Variants in SLC27A3 observed in about 807,000 individuals in gnomAD.
The protein encoded by SLC27A3 is solute carrier family 27 member 3.
A neutral mutation model predicts 60.1 loss-of-function variants in SLC27A3; 60 were observed. The observed-to-expected ratio is 1.00, with a 90% CI of 0.81 to 1.24. The LOEUF (loss-of-function observed/expected upper bound fraction) is 1.24, where lower values mean the gene tolerates loss of function less well. Ranked by LOEUF, SLC27A3 falls within the 50% of genes most tolerant of loss-of-function variation. SLC27A3 has a pLI of 0.00. For missense variants in SLC27A3, 1,079 were observed against 929.9 expected (o/e 1.16, Z -2.09); for synonymous variants, 455 against 409.0 (o/e 1.11, Z -1.36).
In SLC27A3 at chr1:153,775,854, C is replaced by T; in HGVS notation, c.357C>T (p.Gly119=). The T allele has an allele frequency of 1.3e-6, 2 of 1,489,906 alleles. No individual in the cohort carries two copies. Among genetic ancestry groups the T allele is most frequent in the Non-Finnish European group, 1.8e-6 (2 of 1,124,706 alleles). The allele number at this position is 1,489,906 out of a possible 1,614,324, so 92.3% of individuals were successfully genotyped here. A position where few individuals can be genotyped will look rare whatever the true frequency, so the allele number is the denominator to read the frequency against. ...RALGWDWGPD[G]GDSGEGSAGE... ...TAGGCTGGGACTGGGGACCCGACGG[C>T]GGCGACAGCGGCGAGGGGAGCGCTG... Residue 119 remains glycine (G), a synonymous_variant, in exon 1 of 10, where the codon GGC becomes GGT. Transcript: ENST00000624995.
Position 153,779,808 on chromosome 1 carries a change from T to A in SLC27A3, c.1876-18T>A. On this transcript the variant is annotated intron_variant, in intron 9 of 9. Transcript: ENST00000624995. The stretch of plus-strand genomic sequence containing the variant: ...CAGAGTCCCCTTCCCTCCAAATCCC[T>A]GACCCTCCTGTCCCCAGGAGTCTTT... 6.2e-7 allele frequency: 1 copy of A among 1,609,388 alleles called. No homozygotes were observed. Among genetic ancestry groups the A allele is most frequent in the Non-Finnish European group, 8.5e-7 (1 of 1,177,136 alleles).
At chr1:153,777,447 C>T (rs1673288065) in intron 3 of SLC27A3, 5 of 628,902 alleles carry the variant, frequency 8.0e-6, no homozygotes, top group Non-Finnish European at 1.4e-5. Context: ...GGGTCAAAGG[C>T]AGGGAAGGAC....
At position 153,776,541 on chromosome 1, in the gene SLC27A3, G is replaced by C; in HGVS notation, c.691G>C (p.Asp231His). ...APEFLESLEP[D>H]LPALRAMGLH... ...AGAGTTTCTGGAGTCCCTGGAGCCG[G>C]ACCTGCCCGCCCTGAGAGCCATGGG... Residue 231 changes from aspartate (D) to histidine (H), a missense_variant, in exon 2 of 10, where the codon GAC becomes CAC. Asp to His is a moderately conservative substitution (Grantham distance 81). Coordinates refer to ENST00000624995, the MANE Select transcript of SLC27A3 (RefSeq NM_024330.4). The C allele has an allele frequency of 6.2e-7, 1 of 1,614,080 alleles. No individual in the cohort carries two copies. Among genetic ancestry groups the C allele is most frequent in the Non-Finnish European group, 8.5e-7 (1 of 1,180,036 alleles).
At position 153,775,628 on chromosome 1, in the gene SLC27A3, G is replaced by C. The variant is rs1424226184; in HGVS notation, c.131G>C (p.Arg44Thr). The C allele has an allele frequency of 3.2e-6, 5 of 1,560,510 alleles. No homozygotes were observed. The highest frequency in any genetic ancestry group is 4.6e-5 in the East Asian group (2 of 43,054). Residue 44 changes from arginine to threonine, a missense_variant, in exon 1 of 10, where the codon AGG becomes ACG. Transcript: ENST00000624995. The part of the protein sequence containing the change: ...AFAVRALCCK[R>T]ALRARALAAA... Reference sequence around the variant, plus strand: ...GCGGTGCGAGCTCTGTGCTGCAAAAGGGCTCTTCGAGCTCGCGCCCTGGCC... The same window carrying C: ...GCGGTGCGAGCTCTGTGCTGCAAAACGGCTCTTCGAGCTCGCGCCCTGGCC...
chr1:153,779,197 G>C lies in SLC27A3; in HGVS notation c.1730G>C (p.Gly577Ala), dbSNP rs1440270337. 1 of 1,614,146 alleles carries C rather than the reference G, an allele frequency of 6.2e-7. No homozygotes were observed. Among genetic ancestry groups the C allele is most frequent in the South Asian group, 1.1e-5 (1 of 91,088 alleles). ...TTTCTTCAGGAGGTGAACGTCTATG[G>C]AGTCACTGTGCCAGGTGCCTAGGCA... is the stretch of plus-strand genomic sequence containing the variant. ...LDFLQEVNVY[G>A]VTVPGHEGRA... The change falls in exon 8 of 10, where the codon GGA (glycine) becomes GCA (alanine). Residue 577 changes from glycine (G) to alanine (A), a missense_variant. Physicochemically the swap from Gly to Ala is moderately conservative, Grantham distance 60. Coordinates refer to ENST00000624995, the MANE Select transcript of SLC27A3 (RefSeq NM_024330.4).
In SLC27A3 at chr1:153,780,014, C is replaced by A; in HGVS notation, c.*12C>A. On this transcript the variant is annotated 3_prime_UTR_variant, in exon 10 of 10. Transcript: ENST00000624995. ...ACCTTCGAATCTGAGAACTTCCACA[C>A]CTGAGGCACCTGAGAGAGGAACTCT... 2.5e-6 allele frequency: 4 copies of A among 1,601,434 alleles called. No homozygotes were observed. Among genetic ancestry groups the A allele is most frequent in the Non-Finnish European group, 2.6e-6 (3 of 1,173,300 alleles).
In SLC27A3 at chr1:153,779,230, TG is replaced by T. The variant is rs749509003; in HGVS notation, c.1744+24del. On this transcript the variant is annotated intron_variant, in intron 8 of 9. Coordinates refer to ENST00000624995, the MANE Select transcript of SLC27A3 (RefSeq NM_024330.4). ...GTGCCAGGTGCCTAGGCATGGAAGG[TG>T]GGGGAGGCACCCAGCCACCACCCCG... 6 of 1,613,582 alleles carry T rather than the reference TG, an allele frequency of 3.7e-6. No homozygotes were observed. The highest frequency in any genetic ancestry group is 1.1e-5 in the South Asian group (1 of 91,058).
chr1:153,777,584 A>G, intron 3 of SLC27A3, 177 bp from the exon 4 acceptor site: 2 of 773,472 alleles, frequency 2.6e-6, no homozygotes. Context: ...AAGGCTGGGG[A>G]CAGGGGCCGG....
rs776627744 is a variant in SLC27A3 at position 153,777,875 on chromosome 1, AC to A, written c.1153del (p.Gln385SerfsTer43). ...GGGGAGCTGTGCCGATACCTTGTCA[AC>A]CAGCCCCCGGTGCGTGGGCACAGAT... Reference protein sequence around the residue: ...YIGELCRYLVNQPPSKAERGH... With the variant: ...YIGELCRYLVXQPPSKAERGH... On this transcript the variant is annotated frameshift_variant, in exon 4 of 10. Transcript: ENST00000624995. LOFTEE classifies it high-confidence loss of function. 2 of 1,614,192 alleles carry A rather than the reference AC, an allele frequency of 1.2e-6. No individual in the cohort carries two copies. Among genetic ancestry groups the A allele is most frequent in the South Asian group, 2.2e-5 (2 of 91,082 alleles).
intron 7 of SLC27A3, 100 bp from the exon 8 acceptor site, chr1:153,779,014 C>A: frequency 1.4e-6 from 2 of 1,460,298 alleles, no homozygotes; most frequent in Non-Finnish European, 1.9e-6. Context: ...CAGATCTCAC[C>A]ATTTCATCCC....
chr1:153,777,382 C>T, intron 3 of SLC27A3, 162 bp downstream of exon 3: 1 of 856,362 alleles, frequency 1.2e-6, no homozygotes, highest in Non-Finnish European at 1.8e-6. Flanking sequence ...CTGCCTAGAC[C>T]TACAGACTGA....
Position 153,776,791 on chromosome 1 carries a change from C to T in SLC27A3, c.877+64C>T, listed in dbSNP as rs1673253666. ...GGCAGAGGAAGGCAGGGGTCTGCTC[C>T]CAGACCACTCCTTCAAAGCCCCCAG... is the stretch of plus-strand genomic sequence containing the variant. On this transcript the variant is annotated intron_variant, in intron 2 of 9. Transcript: ENST00000624995. 6 of 1,468,066 alleles carry T rather than the reference C, an allele frequency of 4.1e-6. No homozygotes were observed. In the Admixed American group the frequency reaches 7.1e-5, roughly 17 times the overall value. The allele number at this position is 1,468,066 out of a possible 1,614,324, so 90.9% of individuals were successfully genotyped here. A position where few individuals can be genotyped will look rare whatever the true frequency, so the allele number is the denominator to read the frequency against.
Position 153,778,693 on chromosome 1 carries a change from C to G in SLC27A3, c.1454C>G (p.Pro485Arg). 6.2e-7 allele frequency: 1 copy of G among 1,612,854 alleles called. No homozygotes were observed. Among genetic ancestry groups the G allele is most frequent in the Non-Finnish European group, 8.5e-7 (1 of 1,179,938 alleles). Residue 485 changes from proline to arginine, a missense_variant, in exon 7 of 10, where the codon CCA becomes CGA. By Grantham distance (103) the Pro-to-Arg change is moderately radical. Coordinates refer to ENST00000624995, the MANE Select transcript of SLC27A3 (RefSeq NM_024330.4). ...ACCCTGGTGACTCTGCCAGGTGAGC[C>G]AGGGCTGCTGGTGGCCCCGGTAAGC... ...GHCMATSPGEPGLLVAPVSQQ... is the reference protein window; with the variant it reads ...GHCMATSPGERGLLVAPVSQQ...
chr1:153,779,052 C>T, intron 7 of SLC27A3, 62 bp from the exon 8 acceptor site: 6 of 1,552,290 alleles, frequency 3.9e-6, no homozygotes, highest in Non-Finnish European at 5.3e-6. Flanking sequence ...ACCTCATCTC[C>T]CCACCAAGCC....
chr1:153,776,809 G>GC (rs1673256144), intron 2 of SLC27A3, 82 bp downstream of exon 2: 1 of 1,358,812 alleles, frequency 7.4e-7, no homozygotes, highest in African/African-American at 1.4e-5. Context: ...CTCCTTCAAA[G>GC]CCCCCAGAGA....
chr1:153,776,413 A>G lies in SLC27A3; in HGVS notation c.668-105A>G, dbSNP rs911526998. The G allele has an allele frequency of 3.8e-6, 5 of 1,299,178 alleles. No individual in the cohort carries two copies. The African/African-American group carries it at 5.9e-5, about 15-fold the overall frequency. The allele number at this position is 1,299,178 out of a possible 1,614,324, so 80.5% of individuals were successfully genotyped here. A position where few individuals can be genotyped will look rare whatever the true frequency, so the allele number is the denominator to read the frequency against. ...CCAAGATGGAATGTCCATACCCTTC[A>G]CCCTCATCCAAGAGCAGTGTGGGCT... On this transcript the variant is annotated intron_variant, in intron 1 of 9. Transcript: ENST00000624995.
intron 3 of SLC27A3, 100 bp downstream of exon 3, chr1:153,777,320 G>T: frequency 7.1e-7 from 1 of 1,414,250 alleles, no homozygotes; most frequent in Non-Finnish European, 9.8e-7. Flanking sequence ...CTAGAGGACG[G>T]ATGGGGCAGA....
rs3841382 is a variant in SLC27A3, at chr1:153,777,733, C to T, written c.1037-28C>T. On this transcript the variant is annotated intron_variant, in intron 3 of 9. Transcript: ENST00000624995. ...CCACTCTGCTCCTAATCTTACCTCC[C>T]TTCTTCCCCCCTGCCCACTTCTGGC... 6.3e-6 allele frequency: 10 copies of T among 1,581,292 alleles called. No individual in the cohort carries two copies. In the South Asian group the frequency reaches 7.7e-5, roughly 12 times the overall value.
Position 153,778,324 on chromosome 1 carries a change from G to A in SLC27A3, c.1325G>A (p.Gly442Asp). The change falls in exon 5 of 10, where the codon GGC becomes GAC. Residue 442 changes from glycine to aspartate, a missense_variant. By Grantham distance (94) the Gly-to-Asp change is moderately conservative. Transcript: ENST00000624995. ...ACCATCAACTACACAGGACAGCGGG[G>A]CGCTGTGGGGCGTGCTTCCTGGCTT... ...VATINYTGQR[G>D]AVGRASWLYK... is the part of the protein sequence containing the mutation. 1 of 1,614,136 alleles carries A rather than the reference G, an allele frequency of 6.2e-7. No individual in the cohort carries two copies. The highest frequency in any genetic ancestry group is 1.3e-5 in the African/African-American group (1 of 75,046).
Sources: gnomAD v4.1 joint callset for allele counts on GRCh38, gnomAD v4.1.1 for gene constraint, MANE v1.5 for transcripts, NCBI Gene and HGNC (gene_info 2026-07-23, HGNC 2026-07-21) for gene names.